ME1: variants seen among roughly 807,000 people sequenced by gnomAD.
The protein encoded by ME1 is NADP-dependent malic enzyme.
In ME1, 74 loss-of-function variants were observed where a neutral mutation model predicts 66.4. The observed-to-expected ratio is 1.11, with a 90% CI of 0.92 to 1.35. ME1 has a LOEUF of 1.35. Ranked by LOEUF, ME1 falls within the 40% of genes most tolerant of loss-of-function variation. ME1 has a pLI of 0.00. For missense variants in ME1, 750 were observed against 694.1 expected, an observed-to-expected ratio of 1.08 and a Z score of -0.90; for synonymous variants, 251 against 235.6, an observed-to-expected ratio of 1.07 and a Z score of -0.60.
chr6:83,418,110 T>C (rs888566648), intron 1 of ME1, among the ~76,000 whole-genome samples: 1 of 152,246 alleles, frequency 6.6e-6, no homozygotes, highest in Admixed American at 6.5e-5. Context: ...CTGTGGAGAT[T>C]TGCAGAAATG....
At chr6:83,280,705 C>A (rs578121976) in intron 6 of ME1, among the ~76,000 whole-genome samples, 2 of 152,174 alleles carry the variant, frequency 1.3e-5, no homozygotes, top group African/African-American at 4.8e-5. Context: ...AGAATTGATC[C>A]AACAACTACA....
intron 3 of ME1, among the ~76,000 whole-genome samples, chr6:83,372,664 C>T (rs1014957758): frequency 2.0e-5 from 3 of 152,168 alleles, no homozygotes; most frequent in African/African-American, 4.8e-5. Context: ...GGCCTGCTAA[C>T]GTGTGCTTTA....
intron 6 of ME1, among the ~76,000 whole-genome samples, chr6:83,286,332 A>T (rs1562469668): frequency 6.6e-6 from 1 of 152,068 alleles, no homozygotes; most frequent in Non-Finnish European, 1.5e-5. Flanking sequence ...ACTAGCTGTG[A>T]CTCGTTATTA....
rs543396979 is a variant in ME1 at position 83,219,590 on chromosome 6, T to TTATG, written c.1450-2998_1450-2995dup. On this transcript the variant is annotated intron_variant, in intron 12 of 13. Transcript: ENST00000369705. ...TTCAATTAAACTTAGCTATTTTGTT[T>TTATG]TATGTATGTATGTATGTATGTATGT... 3.1e-3 allele frequency among the ~76,000 whole-genome samples: 471 copies of TTATG among 151,996 alleles called. 1 individual carries two copies. Among genetic ancestry groups the TTATG allele is most frequent in the South Asian group, 0.02 (97 of 4,798 alleles).
intron 6 of ME1, among the ~76,000 whole-genome samples, chr6:83,284,312 A>G (rs1032373334): frequency 6.6e-6 from 1 of 152,182 alleles, no homozygotes; most frequent in African/African-American, 2.4e-5. Context: ...TACCAGATGT[A>G]CAAAGAAAAG....
chr6:83,376,550 C>A (rs1441483552), intron 3 of ME1, among the ~76,000 whole-genome samples: 2 of 151,022 alleles, frequency 1.3e-5, no homozygotes, highest in Non-Finnish European at 1.5e-5. Flanking sequence ...CCTGTAATCC[C>A]AGCACTTTGG....
chr6:83,281,792 T>C, intron 6 of ME1, among the ~76,000 whole-genome samples: 1 of 96,560 alleles, frequency 1.0e-5, no homozygotes, highest in African/African-American at 4.3e-5. Context: ...GGTGACAGAC[T>C]GAGACTCTGT....
At chr6:83,275,641 A>T (rs1447492605) in intron 6 of ME1, among the ~76,000 whole-genome samples, 1 of 143,740 alleles carries the variant, frequency 7.0e-6, no homozygotes, top group Admixed American at 7.1e-5. Flanking sequence ...ATTTTTTTGT[A>T]TTTTTAGTAG....
chr6:83,334,663 C>T (rs1204450447), intron 5 of ME1, among the ~76,000 whole-genome samples: 1 of 46,162 alleles, frequency 2.2e-5, no homozygotes, highest in African/African-American at 1.1e-4. Context: ...TGACCCCTGA[C>T]CCCCGAGCAA....
chr6:83,421,393 G>A (rs1028964135), intron 1 of ME1, among the ~76,000 whole-genome samples: 4 of 152,130 alleles, frequency 2.6e-5, no homozygotes, highest in Admixed American at 6.5e-5. Context: ...AACAACCTGA[G>A]GGTCTGGTTC....
intron 5 of ME1, among the ~76,000 whole-genome samples, chr6:83,324,489 AT>A (rs1768244286): frequency 6.6e-6 from 1 of 152,026 alleles, no homozygotes; most frequent in African/African-American, 2.4e-5. Flanking sequence ...CAATAAAAAA[AT>A]GATAAAGGGG....
intron 3 of ME1, among the ~76,000 whole-genome samples, chr6:83,397,038 G>C (rs931671148): frequency 4.6e-5 from 7 of 152,062 alleles, no homozygotes; most frequent in African/African-American, 1.7e-4. Context: ...ACTTCTACAA[G>C]AAAATTTAGG....
intron 5 of ME1, among the ~76,000 whole-genome samples, chr6:83,340,977 G>A (rs1020663948): frequency 2.6e-5 from 4 of 151,944 alleles, no homozygotes; most frequent in Non-Finnish European, 5.9e-5. Flanking sequence ...TTGAATAAGG[G>A]CCTAATCCTT....
intron 9 of ME1, among the ~76,000 whole-genome samples, chr6:83,230,166 ATTTTG>A (rs1790275643): frequency 6.7e-6 from 1 of 148,642 alleles, no homozygotes; most frequent in Non-Finnish European, 1.5e-5. Context: ...GTTGTTTTTA[ATTTTG>A]TTTTGTTTGT....
At chr6:83,417,528 G>A (rs181338109) in intron 1 of ME1, among the ~76,000 whole-genome samples, 37 of 152,102 alleles carry the variant, frequency 2.4e-4, no homozygotes, top group African/African-American at 7.7e-4. Flanking sequence ...CTACAGGCGC[G>A]TGCCACCATG....
Position 83,407,793 on chromosome 6 carries a change from C to G in ME1, c.187G>C (p.Glu63Gln), listed in dbSNP as rs138918145. ...IQVLRVVKNF[E>Q]HLNSDFDRYL... ...CTGTCAAAGTCAGAGTTCAGATGCT[C>G]GAAATTTTTTACTACTCTAAGAACC... is the stretch of plus-strand genomic sequence containing the variant. The change falls in exon 2 of 14, where the codon GAG (glutamate) becomes CAG (glutamine). Residue 63 changes from glutamate to glutamine, a missense_variant. Transcript: ENST00000369705. 1.2e-6 allele frequency: 2 copies of G among 1,607,952 alleles called. No homozygotes were observed. The highest frequency in any genetic ancestry group is 1.7e-6 in the Non-Finnish European group (2 of 1,178,446).
At chr6:83,321,796 C>G (rs1372646490) in intron 5 of ME1, among the ~76,000 whole-genome samples, 3 of 152,222 alleles carry the variant, frequency 2.0e-5, no homozygotes, top group Non-Finnish European at 4.4e-5. Flanking sequence ...AGCATTTGAG[C>G]TCTGCTAAGA....
At position 83,326,752 on chromosome 6, in the gene ME1, T is replaced by C. The variant is rs566812970; in HGVS notation, c.601-11339A>G. Among the ~76,000 whole-genome samples, 570 of 152,288 alleles carry C rather than the reference T, an allele frequency of 3.7e-3. 7 individuals are homozygous for C. Among genetic ancestry groups the C allele is most frequent in the Middle Eastern group, 0.014 (4 of 294 alleles). On this transcript the variant is annotated intron_variant, in intron 5 of 13. Transcript: ENST00000369705. ...GAAACAACAGATGCTGGAGAGGATA[T>C]GGAGAAATAGAAATGCTTTTACACA...
intron 4 of ME1, among the ~76,000 whole-genome samples, chr6:83,350,388 C>T (rs147438904): frequency 1.2e-3 from 179 of 152,300 alleles, no homozygotes; most frequent in African/African-American, 4.2e-3. Flanking sequence ...TACTGCCTAG[C>T]TGTTAGGACG....
Sources: allele counts gnomAD v4.1 joint callset (sites outside exome capture counted in the v4.1 genomes callset), GRCh38; gene constraint gnomAD v4.1.1; transcripts MANE v1.5; gene names NCBI Gene and HGNC (gene_info 2026-07-23, HGNC 2026-07-21).